The following AZI2 variants were observed in gnomAD, a reference collection of about 807,000 sequenced individuals.
AZI2 encodes the protein 5-azacytidine induced 2, also known as 5-azacytidine-induced protein 2.
In AZI2, 22 loss-of-function variants were observed where a neutral mutation model predicts 45.8. The observed-to-expected ratio is 0.48, with a 90% CI of 0.34 to 0.69. The LOEUF (loss-of-function observed/expected upper bound fraction) is 0.69. Among genes scored for constraint, AZI2 ranks in the 30% least tolerant of loss-of-function variants. AZI2 has a pLI of 0.01. For missense variants in AZI2, 417 were observed against 441.5 expected (o/e 0.94, Z 0.50); for synonymous variants, 137 against 156.7 (o/e 0.87, Z 0.94).
intron 6 of AZI2, among the ~76,000 whole-genome samples, chr3:28,330,452 C>T (rs1436496304): frequency 6.6e-6 from 1 of 151,206 alleles, no homozygotes; most frequent in Admixed American, 6.6e-5. Flanking sequence ...ATACTTTCTC[C>T]AATATAGTAA....
Position 28,343,321 on chromosome 3 carries a change from G to A in AZI2, c.-5-2699C>T, listed in dbSNP as rs556564888. Among the ~76,000 whole-genome samples the A allele has an allele frequency of 3.3e-4, 50 of 152,084 alleles. No homozygotes were observed. The South Asian group carries it at 9.3e-3, about 28-fold the overall frequency. ...TATTGTACTTACACCTTTACAGTTTGTTAACTTCCAGCAGGGGAACAAGTT... is the reference window on the plus strand; with the variant it reads ...TATTGTACTTACACCTTTACAGTTTATTAACTTCCAGCAGGGGAACAAGTT... On this transcript the variant is annotated intron_variant, in intron 1 of 7. Transcript: ENST00000479665.
chr3:28,346,462 C>G (rs1051612818), intron 1 of AZI2, among the ~76,000 whole-genome samples: 1 of 152,038 alleles, frequency 6.6e-6, no homozygotes, highest in African/African-American at 2.4e-5. Flanking sequence ...AAGTCCACAC[C>G]AAACTTGGCA....
intron 1 of AZI2, among the ~76,000 whole-genome samples, chr3:28,346,216 TTC>T (rs1226082732): frequency 6.6e-6 from 1 of 152,100 alleles, no homozygotes; most frequent in Non-Finnish European, 1.5e-5. Context: ...GAAACACAGA[TTC>T]TAGTCTAGGA....
chr3:28,339,218 T>TC (rs1266034076), intron 2 of AZI2, among the ~76,000 whole-genome samples: 1 of 152,150 alleles, frequency 6.6e-6, no homozygotes, highest in Non-Finnish European at 1.5e-5. Context: ...CTTCAGGCAA[T>TC]CCACCCACCT....
In AZI2 at chr3:28,321,268, A is replaced by G. The variant is rs1389777306; in HGVS notation, c.*2774T>C. ...GCATTTCCTAGAGCACAGGAAGTTAACTGTTTTTAGAGATAAATGAAAATG... is the reference window on the plus strand; with the variant it reads ...GCATTTCCTAGAGCACAGGAAGTTAGCTGTTTTTAGAGATAAATGAAAATG... On this transcript the variant is annotated 3_prime_UTR_variant, in exon 8 of 8. Coordinates refer to ENST00000479665, the MANE Select transcript of AZI2 (RefSeq NM_022461.5). 1 of 151,338 alleles carries G rather than the reference A, an allele frequency of 6.6e-6. No individual in the cohort carries two copies. Among genetic ancestry groups the G allele is most frequent in the Non-Finnish European group, 1.5e-5 (1 of 67,516 alleles). The allele number at this position is 151,338 out of a possible 1,614,324, so 9.4% of individuals were successfully genotyped here.
At chr3:28,340,837 A>T (rs1703989052) in intron 1 of AZI2, among the ~76,000 whole-genome samples, 1 of 152,090 alleles carries the variant, frequency 6.6e-6, no homozygotes, top group Non-Finnish European at 1.5e-5. Flanking sequence ...ACAAGAAATA[A>T]CAGCAAATAC....
At chr3:28,341,563 T>C (rs1415054071) in intron 1 of AZI2, 2 of 152,078 alleles carry the variant, frequency 1.3e-5, no homozygotes, top group African/African-American at 4.8e-5. Flanking sequence ...CTTTTGCTGT[T>C]AGGTTCAGCA....
intron 3 of AZI2, among the ~76,000 whole-genome samples, chr3:28,338,277 G>A (rs1193325742): frequency 6.7e-6 from 1 of 150,058 alleles, no homozygotes; most frequent in Non-Finnish European, 1.5e-5. Flanking sequence ...ATAAGTCGGT[G>A]GTGTTAGATG....
intron 2 of AZI2, among the ~76,000 whole-genome samples, chr3:28,340,062 A>G (rs1437753868): frequency 2.0e-5 from 3 of 151,962 alleles, no homozygotes; most frequent in Non-Finnish European, 4.4e-5. Context: ...CTCCTTTGAT[A>G]CTTAATTTCC....
intron 1 of AZI2, among the ~76,000 whole-genome samples, chr3:28,342,968 T>C (rs1704083064): frequency 6.6e-6 from 1 of 152,044 alleles, no homozygotes; most frequent in South Asian, 2.1e-4. Context: ...CAAAAACAGA[T>C]ACCCTGCAGT....
chr3:28,324,014 C>T lies in AZI2; in HGVS notation c.*28G>A. The T allele has an allele frequency of 7.0e-6, 11 of 1,570,526 alleles. No individual in the cohort carries two copies. Among genetic ancestry groups the T allele is most frequent in the Non-Finnish European group, 9.6e-6 (11 of 1,151,572 alleles). ...GACCACTGAAAGAGATAAGTGTCCT[C>T]ATGGTGAAATCGTGAATCTCTTCCA... On this transcript the variant is annotated 3_prime_UTR_variant, in exon 8 of 8. Coordinates refer to ENST00000479665, the MANE Select transcript of AZI2 (RefSeq NM_022461.5).
chr3:28,346,588 T>C (rs1704239370), intron 1 of AZI2, among the ~76,000 whole-genome samples: 1 of 152,106 alleles, frequency 6.6e-6, no homozygotes, highest in Non-Finnish European at 1.5e-5. Flanking sequence ...GCCTATATGG[T>C]AGGCTCTTTA....
chr3:28,329,929 T>G (rs1247654261), intron 6 of AZI2, among the ~76,000 whole-genome samples: 6 of 151,446 alleles, frequency 4.0e-5, no homozygotes, highest in Middle Eastern at 6.8e-3. Context: ...TATTCCATAT[T>G]TTTATAATGC....
chr3:28,332,058 A>C (rs779830068), intron 6 of AZI2: 1 of 689,542 alleles, frequency 1.5e-6, no homozygotes, highest in Non-Finnish European at 2.4e-6. Flanking sequence ...TATATAATGA[A>C]TAATTCTTCA....
rs1427549223 is a variant in AZI2 at position 28,348,796 on chromosome 3, G to C, written c.-201C>G. The stretch of plus-strand genomic sequence containing the variant: ...GAGGGAGTCCCATTTCTTCTGACTC[G>C]GCAGGAGCCCGGGACGTTCTGGAAG... On this transcript the variant is annotated 5_prime_UTR_variant, in exon 1 of 8. Transcript: ENST00000479665. 2 of 238,134 alleles carry C rather than the reference G, an allele frequency of 8.4e-6. No individual in the cohort carries two copies. Among genetic ancestry groups the C allele is most frequent in the Non-Finnish European group, 1.4e-5 (2 of 146,404 alleles). The allele number at this position is 238,134 out of a possible 1,614,324, so 14.8% of individuals were successfully genotyped here. A position where few individuals can be genotyped will look rare whatever the true frequency, so the allele number is the denominator to read the frequency against.
In AZI2 at chr3:28,324,378, T is replaced by C. The variant is rs1703301411; in HGVS notation, c.843A>G (p.Thr281=). The change falls in exon 8 of 8, where the codon ACA becomes ACG. Residue 281 remains threonine (T), a synonymous_variant. Coordinates refer to ENST00000479665, the MANE Select transcript of AZI2 (RefSeq NM_022461.5). ...GTAAGAGAGGGGGATGTCTTGTGTA[T>C]GTTGCAGTAAAATTCATCAAGTGCA... ...TKLHLMNFTA[T]YTRHPPLLPN... The C allele has an allele frequency of 1.3e-6, 2 of 1,571,954 alleles. No individual in the cohort carries two copies. Among genetic ancestry groups the C allele is most frequent in the Non-Finnish European group, 1.7e-6 (2 of 1,158,924 alleles).
intron 1 of AZI2, among the ~76,000 whole-genome samples, chr3:28,345,312 G>A (rs1486582873): frequency 6.6e-6 from 1 of 152,058 alleles, no homozygotes; most frequent in Non-Finnish European, 1.5e-5. Context: ...GGCACAGTTA[G>A]TTCTATGTTA....
In AZI2 at chr3:28,337,065, T is replaced by G. The variant is rs1703823235; in HGVS notation, c.440-180A>C. ...TTTCAAATATCTATGCTAAGGAGAATGAGAAATCTAGCAATCTTGTTTTAG... is the reference window on the plus strand; with the variant it reads ...TTTCAAATATCTATGCTAAGGAGAAGGAGAAATCTAGCAATCTTGTTTTAG... On this transcript the variant is annotated intron_variant, in intron 4 of 7. Transcript: ENST00000479665. 3 of 575,998 alleles carry G rather than the reference T, an allele frequency of 5.2e-6. No individual in the cohort carries two copies. In the East Asian group the frequency reaches 9.3e-5, roughly 18 times the overall value. 35.7% of individuals were successfully genotyped at this position (575,998 alleles called of 1,614,324 possible).
Position 28,332,432 on chromosome 3 carries a change from C to A in AZI2, c.589-5G>T. 6.2e-7 allele frequency: 1 copy of A among 1,605,320 alleles called. No homozygotes were observed. Among genetic ancestry groups the A allele is most frequent in the South Asian group, 1.1e-5 (1 of 90,692 alleles). On this transcript the variant is annotated splice_polypyrimidine_tract_variant and splice_region_variant and intron_variant, in intron 5 of 7. Coordinates refer to ENST00000479665, the MANE Select transcript of AZI2 (RefSeq NM_022461.5). ...ATTGTCTTCCTGATATGGATCCTGT[C>A]ATTTGTTTAAAAAAAAGAAGTTTAA... is the stretch of plus-strand genomic sequence containing the variant.
Sources: allele counts gnomAD v4.1 joint callset (sites outside exome capture counted in the v4.1 genomes callset), GRCh38; gene constraint gnomAD v4.1.1; transcripts MANE v1.5; gene names NCBI Gene and HGNC (gene_info 2026-07-23, HGNC 2026-07-21).